Variants in CNTN1 observed in about 807,000 individuals in gnomAD.
CNTN1 encodes the protein contactin-1.
In CNTN1, 38 loss-of-function variants were observed where a neutral mutation model predicts 126.4. That is an observed-to-expected ratio of 0.30 (90% confidence interval 0.23 to 0.39). The LOEUF is 0.39. CNTN1 is among the 10% of genes least tolerant of loss of function. CNTN1 has a pLI of 1.00. For missense variants in CNTN1, 1,009 were observed against 1,248.4 expected (o/e 0.81, Z 2.89); for synonymous variants, 413 against 422.6 (o/e 0.98, Z 0.28).
intron 1 of CNTN1, among the ~76,000 whole-genome samples, chr12:40,705,760 G>A (rs973676539): frequency 6.6e-6 from 1 of 152,162 alleles, no homozygotes; most frequent in Non-Finnish European, 1.5e-5. Context: ...GGTTCTGCAG[G>A]CTGTACAGGA....
At chr12:40,813,042 T>C (rs770726214) in intron 1 of CNTN1, among the ~76,000 whole-genome samples, 1,617 of 69,238 alleles carry the variant, frequency 0.023, 56 homozygotes, top group African/African-American at 0.058. Flanking sequence ...TTCTTTCCTT[T>C]CTTTCTTTCT....
At chr12:40,709,325 A>G (rs1167196023) in intron 1 of CNTN1, among the ~76,000 whole-genome samples, 1 of 152,198 alleles carries the variant, frequency 6.6e-6, no homozygotes, top group Non-Finnish European at 1.5e-5. Context: ...TAAAATATTT[A>G]GTAAACCATG....
At chr12:40,721,545 AATT>A (rs150431424) in intron 1 of CNTN1, among the ~76,000 whole-genome samples, 2,835 of 150,208 alleles carry the variant, frequency 0.019, 58 homozygotes, top group African/African-American at 0.058. Context: ...ATCTTACATT[AATT>A]ATTATTATTA....
At chr12:41,021,907 C>G (rs570920900) in intron 20 of CNTN1, among the ~76,000 whole-genome samples, 2 of 151,904 alleles carry the variant, frequency 1.3e-5, no homozygotes, top group Non-Finnish European at 2.9e-5. Flanking sequence ...ATGTGTAGAG[C>G]TTGGAAAGTA....
At chr12:40,806,517 T>C (rs995384258) in intron 1 of CNTN1, among the ~76,000 whole-genome samples, 1 of 152,132 alleles carries the variant, frequency 6.6e-6, no homozygotes, top group Non-Finnish European at 1.5e-5. Flanking sequence ...TGTCTATTCC[T>C]CCACAGTTCC....
chr12:41,017,217 C>T (rs373134797), intron 19 of CNTN1, among the ~76,000 whole-genome samples: 4 of 143,326 alleles, frequency 2.8e-5, no homozygotes, highest in African/African-American at 6.0e-5. Context: ...TAGTCAGAAA[C>T]TCTCCATACT....
chr12:41,014,507 G>T (rs959844160), intron 18 of CNTN1, among the ~76,000 whole-genome samples: 4 of 152,134 alleles, frequency 2.6e-5, no homozygotes, highest in African/African-American at 9.7e-5. Context: ...ATGAATCCTG[G>T]ATGCTAAGAG....
At chr12:40,734,943 C>G (rs778449819) in intron 1 of CNTN1, among the ~76,000 whole-genome samples, 7 of 152,018 alleles carry the variant, frequency 4.6e-5, no homozygotes, top group Non-Finnish European at 7.4e-5. Context: ...CAAAGTCATT[C>G]ATCAGGAAAA....
intron 16 of CNTN1, among the ~76,000 whole-genome samples, chr12:40,990,068 C>T (rs1224250072): frequency 1.3e-5 from 2 of 151,462 alleles, no homozygotes; most frequent in African/African-American, 2.4e-5. Context: ...AAATGATAGA[C>T]GTTAATCATG....
intron 11 of CNTN1, among the ~76,000 whole-genome samples, chr12:40,938,659 T>C (rs1305856361): frequency 6.6e-6 from 1 of 152,228 alleles, no homozygotes; most frequent in African/African-American, 2.4e-5. Context: ...TCAGTGTGTA[T>C]AATGCTGGTC....
chr12:40,933,098 TCTC>T (rs1158123832), intron 7 of CNTN1, among the ~76,000 whole-genome samples: 4 of 151,802 alleles, frequency 2.6e-5, no homozygotes, highest in East Asian at 1.9e-4. Context: ...TCTACTCTCT[TCTC>T]CTTCTTCTCT....
chr12:40,924,031 G>A (rs1423511563), intron 5 of CNTN1, among the ~76,000 whole-genome samples: 1 of 152,096 alleles, frequency 6.6e-6, no homozygotes, highest in East Asian at 1.9e-4. Flanking sequence ...AATTAGAACT[G>A]AAACAAACCC....
chr12:40,959,861 A>G (rs1426616363), intron 15 of CNTN1, among the ~76,000 whole-genome samples: 1 of 152,048 alleles, frequency 6.6e-6, no homozygotes, highest in Admixed American at 6.6e-5. Context: ...CTCTTCACTG[A>G]CTGCCCTTTA....
At chr12:40,714,555 GA>G (rs1942001714) in intron 1 of CNTN1, among the ~76,000 whole-genome samples, 1 of 152,092 alleles carries the variant, frequency 6.6e-6, no homozygotes, top group African/African-American at 2.4e-5. Context: ...TTTGCTTTAA[GA>G]AGTGACATGT....
chr12:40,695,500 T>C (rs1335119096), intron 1 of CNTN1, among the ~76,000 whole-genome samples: 2 of 152,196 alleles, frequency 1.3e-5, no homozygotes, highest in Non-Finnish European at 2.9e-5. Flanking sequence ...ATACAAAATA[T>C]GTCCTGTAAT....
intron 1 of CNTN1, among the ~76,000 whole-genome samples, chr12:40,747,305 A>ATGTG (rs58826763): frequency 0.11 from 16,206 of 148,246 alleles, 1,099 homozygotes; most frequent in Non-Finnish European, 0.15. Context: ...TTGTGAAGGG[A>ATGTG]TGTGTGTGTG....
intron 1 of CNTN1, among the ~76,000 whole-genome samples, chr12:40,709,214 A>G (rs1001167619): frequency 1.1e-4 from 17 of 152,206 alleles, no homozygotes; most frequent in Non-Finnish European, 1.8e-4. Flanking sequence ...CTCTTCATAC[A>G]TCTCCCCCAG....
At chr12:40,920,604 CA>C (rs1189044697) in intron 4 of CNTN1, among the ~76,000 whole-genome samples, 7 of 152,074 alleles carry the variant, frequency 4.6e-5, no homozygotes, top group Admixed American at 4.6e-4. Context: ...AATTTCAGGA[CA>C]AATTATACTA....
At chr12:40,904,178 A>C (rs577593201) in intron 1 of CNTN1, among the ~76,000 whole-genome samples, 96 of 150,286 alleles carry the variant, frequency 6.4e-4, no homozygotes, top group Middle Eastern at 3.4e-3. Context: ...GCCACCACGC[A>C]CAGCTAATTT....
Sources: allele counts gnomAD v4.1 joint callset (sites outside exome capture counted in the v4.1 genomes callset), GRCh38; gene constraint gnomAD v4.1.1; transcripts MANE v1.5; gene names NCBI Gene and HGNC (gene_info 2026-07-23, HGNC 2026-07-21).